Variants in ELFN2 observed in about 807,000 individuals in gnomAD.
ELFN2 encodes the protein extracellular leucine rich repeat and fibronectin type III domain containing 2.
ELFN2 carries 17 observed loss-of-function variants against 45.5 expected under a neutral mutation model. The observed-to-expected ratio is 0.37, with a 90% CI of 0.26 to 0.56. The LOEUF (loss-of-function observed/expected upper bound fraction) is 0.56. ELFN2 is among the 20% of genes least tolerant of loss of function. The pLI is 0.77. For missense variants in ELFN2, 922 were observed against 1,183.2 expected (o/e 0.78, Z 3.24); for synonymous variants, 550 against 551.5 (o/e 1.00, Z 0.04).
intron 1 of ELFN2, among the ~76,000 whole-genome samples, chr22:37,348,255 G>A (rs1159903085): frequency 6.6e-6 from 1 of 152,236 alleles, no homozygotes; most frequent in South Asian, 2.1e-4. Flanking sequence ...CTTCTTGGGG[G>A]AGGACACCCT....
At chr22:37,406,012 C>A (rs558800039) in intron 2 of ELFN2, among the ~76,000 whole-genome samples, 1 of 152,038 alleles carries the variant, frequency 6.6e-6, no homozygotes, top group South Asian at 2.1e-4. Flanking sequence ...CATAGTGAGA[C>A]GCACCTGTAG....
intron 2 of ELFN2, among the ~76,000 whole-genome samples, chr22:37,406,696 G>A (rs1309782883): frequency 6.6e-6 from 1 of 152,246 alleles, no homozygotes; most frequent in Non-Finnish European, 1.5e-5. Flanking sequence ...CATCCTCCCG[G>A]GCATTAGGGC....
At chr22:37,424,732 T>C (rs1332691577) in intron 1 of ELFN2, among the ~76,000 whole-genome samples, 1 of 151,976 alleles carries the variant, frequency 6.6e-6, no homozygotes, top group East Asian at 1.9e-4. Context: ...ATTCCAGAAC[T>C]CAGTTTACTC....
At chr22:37,426,163 C>T (rs1470785396) in intron 1 of ELFN2, among the ~76,000 whole-genome samples, 1 of 151,960 alleles carries the variant, frequency 6.6e-6, no homozygotes, top group Non-Finnish European at 1.5e-5. Flanking sequence ...GGGAGGAGTC[C>T]AGGGGGAAGG....
At chr22:37,346,025 A>G (rs1282013189) in intron 1 of ELFN2, among the ~76,000 whole-genome samples, 1 of 152,000 alleles carries the variant, frequency 6.6e-6, no homozygotes, top group African/African-American at 2.4e-5. Context: ...CCTCTCAAAA[A>G]CGCTCACTAA....
intron 2 of ELFN2, among the ~76,000 whole-genome samples, chr22:37,406,608 G>A (rs1289664553): frequency 6.6e-6 from 1 of 152,090 alleles, no homozygotes; most frequent in Non-Finnish European, 1.5e-5. Context: ...CTCTGCATCT[G>A]CTCAATTAGG....
At chr22:37,406,560 C>T (rs950225092) in intron 2 of ELFN2, among the ~76,000 whole-genome samples, 3 of 152,220 alleles carry the variant, frequency 2.0e-5, no homozygotes, top group Non-Finnish European at 4.4e-5. Flanking sequence ...TGTGCCGCCC[C>T]AGCCCCGTGA....
At chr22:37,364,636 G>C (rs1931161853), downstream of ELFN2, among the ~76,000 whole-genome samples, 1 of 152,240 alleles carries the variant, frequency 6.6e-6, no homozygotes, top group South Asian at 2.1e-4. Context: ...CCAGGGATGA[G>C]TGCCACGCTG....
chr22:37,378,517 T>TCC (rs1931647411), intron 2 of ELFN2, among the ~76,000 whole-genome samples: 2 of 152,028 alleles, frequency 1.3e-5, no homozygotes, highest in South Asian at 4.2e-4. Context: ...GGGGAGCTAG[T>TCC]CCCCCCACCA....
Position 37,347,641 on chromosome 22 carries a change from A to AACACAC in ELFN2, n.149-4944_149-4939dup, listed in dbSNP as rs55967141. Among the ~76,000 whole-genome samples the AACACAC allele has an allele frequency of 3.3e-3, 480 of 146,674 alleles. 3 individuals are homozygous for AACACAC. Among genetic ancestry groups the AACACAC allele is most frequent in the African/African-American group, 0.011 (433 of 39,626 alleles). ...AGATTGTATAGGTGGTGGGTGGCAG[A>AACACAC]ACACACACACACACACACACACACA... On this transcript the variant is annotated intron_variant and non_coding_transcript_variant, in intron 1 of 2. Coordinates refer to ENST00000452946, the Ensembl canonical transcript of ELFN2.
intron 1 of ELFN2, among the ~76,000 whole-genome samples, chr22:37,349,858 G>C (rs542984270): frequency 2.0e-5 from 3 of 151,216 alleles, no homozygotes; most frequent in Non-Finnish European, 4.5e-5. Flanking sequence ...ACATTGAAAG[G>C]AGATTCCAGC....
intron 1 of ELFN2, among the ~76,000 whole-genome samples, chr22:37,423,313 C>T (rs1932824530): frequency 6.6e-6 from 1 of 152,176 alleles, no homozygotes; most frequent in African/African-American, 2.4e-5. Context: ...AGGGCGTCCG[C>T]CACCCCCAGC....
At chr22:37,367,124 A>G (rs1211404388), downstream of ELFN2, among the ~76,000 whole-genome samples, 10 of 152,220 alleles carry the variant, frequency 6.6e-5, no homozygotes, top group Admixed American at 3.9e-4. Flanking sequence ...TTCGTGGAGG[A>G]GAGTTTCGTA....
intron 1 of ELFN2, chr22:37,354,545 AC>A (rs1930904410): frequency 1.4e-5 from 1 of 70,700 alleles, no homozygotes; most frequent in African/African-American, 4.0e-5. Context: ...AAAAAAAGAA[AC>A]ACACACACAC....
downstream of ELFN2, among the ~76,000 whole-genome samples, chr22:37,365,773 T>C (rs4821651): frequency 0.76 from 115,629 of 152,072 alleles, 44,115 homozygotes; most frequent in South Asian, 0.82. Context: ...CCCAACATTA[T>C]CCACGAGGTA....
intron 1 of ELFN2, among the ~76,000 whole-genome samples, chr22:37,419,493 G>C (rs1041017573): frequency 6.6e-6 from 1 of 152,000 alleles, no homozygotes; most frequent in Non-Finnish European, 1.5e-5. Flanking sequence ...CCAGAACACA[G>C]GGGCGCCCCA....
chr22:37,424,568 C>G (rs897953532), intron 1 of ELFN2, among the ~76,000 whole-genome samples: 1 of 152,064 alleles, frequency 6.6e-6, no homozygotes, highest in Non-Finnish European at 1.5e-5. Context: ...GGCTCATCAC[C>G]TGGCACCCCA....
intron 1 of ELFN2, among the ~76,000 whole-genome samples, chr22:37,352,753 A>G (rs1930853546): frequency 6.6e-6 from 1 of 150,920 alleles, no homozygotes; most frequent in Admixed American, 6.6e-5. Context: ...TGTCACACCC[A>G]GATCACATCC....
Position 37,391,347 on chromosome 22 carries a change from G to A in ELFN2, c.-462-15351C>T, listed in dbSNP as rs184382117. Among the ~76,000 whole-genome samples, 12 of 152,222 alleles carry A rather than the reference G, an allele frequency of 7.9e-5. No individual in the cohort carries two copies. The East Asian group carries it at 1.4e-3, about 17-fold the overall frequency. Reference sequence around the variant, plus strand: ...CCCTGTAAACCCAGGGCCCGGCACCGTCCCAGTAGGCTCTCTGTACACGTC... The same window carrying A: ...CCCTGTAAACCCAGGGCCCGGCACCATCCCAGTAGGCTCTCTGTACACGTC... On this transcript the variant is annotated intron_variant, in intron 2 of 2. Transcript: ENST00000402918.
Sources: allele counts gnomAD v4.1 joint callset (sites outside exome capture counted in the v4.1 genomes callset), GRCh38; gene constraint gnomAD v4.1.1; transcripts MANE v1.5; gene names NCBI Gene and HGNC (gene_info 2026-07-23, HGNC 2026-07-21).